The following LRP1B variants were observed in gnomAD, a reference collection of about 807,000 sequenced individuals.
LRP1B encodes low-density lipoprotein receptor-related protein 1B.
In LRP1B, 217 loss-of-function variants were observed where a neutral mutation model predicts 556.6. The observed-to-expected ratio is 0.39, with a 90% confidence interval of 0.35 to 0.44. The LOEUF is 0.44. Among genes scored for constraint, LRP1B ranks in the 20% least tolerant of loss-of-function variants. LRP1B has a pLI of 1.00. For synonymous variants in LRP1B, 2,047 were observed against 1,865.8 expected (o/e 1.10, Z -2.50); for missense variants, 5,053 against 5,620.8 (o/e 0.90, Z 3.23).
chr2:140,811,319 C>A (rs1460462459), intron 32 of LRP1B, among the ~76,000 whole-genome samples: 1 of 152,064 alleles, frequency 6.6e-6, no homozygotes, highest in Non-Finnish European at 1.5e-5. Flanking sequence ...ATACCTGCTC[C>A]ATTTTTTGAT....
At chr2:141,962,821 T>A (rs1289717601) in intron 1 of LRP1B, among the ~76,000 whole-genome samples, 1 of 151,812 alleles carries the variant, frequency 6.6e-6, no homozygotes, top group Non-Finnish European at 1.5e-5. Context: ...ACACATCATC[T>A]AGCCCTCCCT....
At chr2:141,756,171 A>T (rs1178575777) in intron 2 of LRP1B, among the ~76,000 whole-genome samples, 1 of 152,046 alleles carries the variant, frequency 6.6e-6, no homozygotes, top group Non-Finnish European at 1.5e-5. Context: ...AAACTTCAAG[A>T]TTATTAATGT....
intron 56 of LRP1B, among the ~76,000 whole-genome samples, chr2:140,493,549 T>C (rs761660070): frequency 6.6e-6 from 1 of 151,106 alleles, no homozygotes; most frequent in Non-Finnish European, 1.5e-5. Context: ...CTAGATTCAT[T>C]TGGTGAATAA....
At chr2:142,078,903 A>G (rs1364935647) in intron 1 of LRP1B, among the ~76,000 whole-genome samples, 1 of 152,186 alleles carries the variant, frequency 6.6e-6, no homozygotes, top group East Asian at 1.9e-4. Flanking sequence ...CACATATAGT[A>G]GAGAAAATAT....
chr2:141,878,356 C>G (rs917942666), intron 1 of LRP1B, among the ~76,000 whole-genome samples: 1 of 151,102 alleles, frequency 6.6e-6, no homozygotes, highest in Admixed American at 6.6e-5. Context: ...TCTAAGGTAC[C>G]GGCAAAAAAT....
chr2:141,895,502 C>T (rs1253269021), intron 1 of LRP1B, among the ~76,000 whole-genome samples: 1 of 152,142 alleles, frequency 6.6e-6, no homozygotes, highest in East Asian at 1.9e-4. Flanking sequence ...GAAAATATGA[C>T]TGTGGGTCAA....
chr2:140,983,463 T>A (rs1220069632), intron 17 of LRP1B, among the ~76,000 whole-genome samples: 1 of 152,144 alleles, frequency 6.6e-6, no homozygotes, highest in East Asian at 1.9e-4. Context: ...ACTTGGGTAC[T>A]AATGGTTGAT....
At chr2:141,741,353 T>C (rs1468834953) in intron 2 of LRP1B, among the ~76,000 whole-genome samples, 1 of 150,556 alleles carries the variant, frequency 6.6e-6, no homozygotes, top group East Asian at 1.9e-4. Flanking sequence ...GCTCTAATTT[T>C]AGTTTTTTTG....
At chr2:141,059,143 A>C in intron 8 of LRP1B, 89 bp from the exon 9 acceptor site, 1 of 815,844 alleles carries the variant, frequency 1.2e-6, no homozygotes, top group Non-Finnish European at 1.8e-6. Context: ...TAGTATGGAA[A>C]ATGGCCACAG....
intron 1 of LRP1B, among the ~76,000 whole-genome samples, chr2:141,885,134 C>A (rs1467397152): frequency 6.6e-5 from 10 of 152,082 alleles, no homozygotes; most frequent in Admixed American, 6.6e-4. Flanking sequence ...ATTTTATGAA[C>A]TATATCAGAA....
intron 35 of LRP1B, among the ~76,000 whole-genome samples, chr2:140,744,457 A>G (rs927028721): frequency 9.8e-5 from 15 of 152,296 alleles, no homozygotes; most frequent in African/African-American, 3.4e-4. Flanking sequence ...TCCAAGTCAT[A>G]CATATGGTCT....
chr2:140,748,062 A>G (rs1228726196), intron 35 of LRP1B, among the ~76,000 whole-genome samples: 1 of 138,056 alleles, frequency 7.2e-6, no homozygotes, highest in Non-Finnish European at 1.5e-5. Flanking sequence ...TTAACACAAT[A>G]TTATTGCTAG....
At chr2:141,768,778 AATTAT>A (rs569637794) in intron 2 of LRP1B, among the ~76,000 whole-genome samples, 78 of 152,228 alleles carry the variant, frequency 5.1e-4, no homozygotes, top group African/African-American at 1.7e-3. Context: ...CTGCAGTAAG[AATTAT>A]ATTATACTAA....
At position 141,191,867 on chromosome 2, in the gene LRP1B, C is replaced by T. The variant is rs1156655405; in HGVS notation, c.851-3284G>A. On this transcript the variant is annotated intron_variant, in intron 6 of 90. Transcript: ENST00000389484. ...ATCTTGGGTTCAGATAAAGTATGTG[C>T]CAGAGTCCATTCAATGACCCATCCC... 5.3e-5 allele frequency among the ~76,000 whole-genome samples: 8 copies of T among 151,758 alleles called. No homozygotes were observed. In the East Asian group the frequency reaches 1.4e-3, roughly 26 times the overall value.
At chr2:141,052,032 T>C (rs1699050526) in intron 10 of LRP1B, among the ~76,000 whole-genome samples, 1 of 152,048 alleles carries the variant, frequency 6.6e-6, no homozygotes, top group Non-Finnish European at 1.5e-5. Context: ...TTGTTTCTAT[T>C]TGATATATAA....
chr2:140,312,812 A>C (rs1226623375), intron 83 of LRP1B, among the ~76,000 whole-genome samples: 4 of 151,918 alleles, frequency 2.6e-5, no homozygotes, highest in Non-Finnish European at 4.4e-5. Flanking sequence ...AGGAATGAGA[A>C]AAACTCATTC....
At chr2:140,712,919 G>A (rs919754050) in intron 37 of LRP1B, among the ~76,000 whole-genome samples, 4 of 151,606 alleles carry the variant, frequency 2.6e-5, no homozygotes, top group Non-Finnish European at 5.9e-5. Context: ...AGCCTCAAAT[G>A]GCTGTTTTTG....
Position 142,043,713 on chromosome 2 carries a change from T to C in LRP1B, c.82+86935A>G, listed in dbSNP as rs78108410. 4.2e-3 allele frequency among the ~76,000 whole-genome samples: 635 copies of C among 151,860 alleles called. 6 individuals are homozygous for C. The highest frequency in any genetic ancestry group is 0.015 in the African/African-American group (605 of 41,504). ...AGCTCAATGTCTTACAGGTGCACAG[T>C]TGTCCACTAGCTGAGATAGTTTTAT... On this transcript the variant is annotated intron_variant, in intron 1 of 90. Coordinates refer to ENST00000389484, the MANE Select transcript of LRP1B (RefSeq NM_018557.3).
chr2:140,552,274 A>G (rs1000551608), intron 43 of LRP1B, among the ~76,000 whole-genome samples: 1 of 152,146 alleles, frequency 6.6e-6, no homozygotes, highest in East Asian at 1.9e-4. Flanking sequence ...AAATGTTGAT[A>G]CTTGACATAA....
Sources: allele counts gnomAD v4.1 joint callset (sites outside exome capture counted in the v4.1 genomes callset), GRCh38; gene constraint gnomAD v4.1.1; transcripts MANE v1.5; gene names NCBI Gene and HGNC (gene_info 2026-07-23, HGNC 2026-07-21).